ZNF33A: variants seen among roughly 807,000 people sequenced by gnomAD.
ZNF33A encodes the protein zinc finger protein 33A, also known as brain my041 protein.
In ZNF33A, 9 loss-of-function variants were observed where a neutral mutation model predicts 15.9. The ratio of observed to expected loss-of-function variants is 0.57; its 90% confidence interval spans 0.34 to 0.99. The LOEUF (loss-of-function observed/expected upper bound fraction) is 0.99. ZNF33A is among the 50% of genes least tolerant of loss of function. The pLI, the probability that ZNF33A is intolerant of heterozygous loss-of-function variation, is 0.02. For missense variants in ZNF33A, 843 were observed against 941.6 expected, an observed-to-expected ratio of 0.90 and a Z score of 1.37; for synonymous variants, 294 against 324.2, an observed-to-expected ratio of 0.91 and a Z score of 1.00.
chr10:38,028,394 C>T (rs1483918762), intron 4 of ZNF33A, among the ~76,000 whole-genome samples: 4 of 152,048 alleles, frequency 2.6e-5, no homozygotes, highest in Admixed American at 2.6e-4. Context: ...TGCCATACTG[C>T]ATTTTGTTTT....
At position 38,058,073 on chromosome 10, in the gene ZNF33A, A is replaced by G; in HGVS notation, c.*1513A>G. Reference sequence around the variant, plus strand: ...CAGTCTAGTGATCCTAGATTACACAAGTAATCTAAGCTTCCACTTTAGGAA... The same window carrying G: ...CAGTCTAGTGATCCTAGATTACACAGGTAATCTAAGCTTCCACTTTAGGAA... On this transcript the variant is annotated 3_prime_UTR_variant, in exon 5 of 5. Coordinates refer to ENST00000432900, the MANE Select transcript of ZNF33A (RefSeq NM_006954.2). 1 of 974,400 alleles carries G rather than the reference A, an allele frequency of 1.0e-6. No homozygotes were observed. The highest frequency in any genetic ancestry group is 1.8e-5 in the African/African-American group (1 of 57,138). 60.4% of individuals were successfully genotyped at this position (974,400 alleles called of 1,614,324 possible). A position where few individuals can be genotyped will look rare whatever the true frequency, so the allele number is the denominator to read the frequency against.
At chr10:38,021,961 G>C (rs961824286) in intron 4 of ZNF33A, among the ~76,000 whole-genome samples, 5 of 152,234 alleles carry the variant, frequency 3.3e-5, no homozygotes, top group Admixed American at 2.0e-4. Context: ...AGACCATACC[G>C]TATCAATATA....
At chr10:38,026,838 T>C (rs1389810542) in intron 4 of ZNF33A, among the ~76,000 whole-genome samples, 10 of 152,238 alleles carry the variant, frequency 6.6e-5, no homozygotes, top group African/African-American at 2.4e-4. Flanking sequence ...ACTGTCGCCA[T>C]TAAGCGGTAA....
intron 4 of ZNF33A, among the ~76,000 whole-genome samples, chr10:38,023,294 C>T (rs1220147985): frequency 2.6e-5 from 4 of 152,194 alleles, no homozygotes; most frequent in Non-Finnish European, 5.9e-5. Context: ...ATGCCAAAAT[C>T]ATACAGACAG....
intron 4 of ZNF33A, among the ~76,000 whole-genome samples, chr10:38,040,767 A>C (rs184116271): frequency 1.6e-3 from 240 of 152,268 alleles, no homozygotes; most frequent in Non-Finnish European, 2.2e-3. Flanking sequence ...TGGATTTTCA[A>C]ATCATTCCCT....
At chr10:38,020,593 A>G (rs900741914) in intron 4 of ZNF33A, among the ~76,000 whole-genome samples, 3 of 152,174 alleles carry the variant, frequency 2.0e-5, no homozygotes, top group African/African-American at 7.2e-5. Flanking sequence ...AGCTTTCACA[A>G]ATAAGTGAGA....
At chr10:38,027,136 A>G (rs1334312447) in intron 4 of ZNF33A, among the ~76,000 whole-genome samples, 1 of 151,946 alleles carries the variant, frequency 6.6e-6, no homozygotes, top group Non-Finnish European at 1.5e-5. Context: ...TAAGTTGTGA[A>G]ATTGGAGATT....
intron 4 of ZNF33A, among the ~76,000 whole-genome samples, chr10:38,019,190 G>A (rs1296874428): frequency 6.7e-6 from 1 of 149,632 alleles, no homozygotes; most frequent in Non-Finnish European, 1.5e-5. Flanking sequence ...CTGTGTCCAT[G>A]TGTTCTCATT....
At chr10:38,043,486 T>G (rs1462298430) in intron 4 of ZNF33A, among the ~76,000 whole-genome samples, 1 of 145,070 alleles carries the variant, frequency 6.9e-6, no homozygotes, top group Non-Finnish European at 1.5e-5. Context: ...ACCCTAAAAC[T>G]TAAAGTATAA....
intron 4 of ZNF33A, among the ~76,000 whole-genome samples, chr10:38,018,176 T>C (rs2064556440): frequency 6.6e-6 from 1 of 152,268 alleles, no homozygotes; most frequent in Admixed American, 6.5e-5. Flanking sequence ...ATATTAAATG[T>C]TCTGTGGTTT....
downstream of ZNF33A, among the ~76,000 whole-genome samples, chr10:38,066,128 G>T (rs116850550): frequency 9.0e-3 from 1,377 of 152,186 alleles, 9 homozygotes; most frequent in Middle Eastern, 0.02. Context: ...CAGGATTATA[G>T]CATTTGATAT....
At chr10:38,017,084 A>G (rs1365978991) in intron 3 of ZNF33A, 69 bp downstream of exon 3, 1 of 1,552,686 alleles carries the variant, frequency 6.4e-7, no homozygotes, top group Non-Finnish European at 8.7e-7. Context: ...GCGTATGGGC[A>G]GTCTGTATAG....
intron 4 of ZNF33A, among the ~76,000 whole-genome samples, chr10:38,047,349 G>A (rs551417658): frequency 6.6e-6 from 1 of 151,962 alleles, no homozygotes; most frequent in East Asian, 1.9e-4. Context: ...AAGCCCTTGG[G>A]CTGGGTGTGG....
At chr10:38,013,426 TTTA>T (rs1017613542) in intron 2 of ZNF33A, among the ~76,000 whole-genome samples, 8 of 151,678 alleles carry the variant, frequency 5.3e-5, no homozygotes, top group East Asian at 3.9e-4. Context: ...TAAAATGTAT[TTTA>T]TTATTATTAT....
At chr10:38,032,721 G>A (rs2135639487) in intron 4 of ZNF33A, among the ~76,000 whole-genome samples, 1 of 151,750 alleles carries the variant, frequency 6.6e-6, no homozygotes, top group South Asian at 2.1e-4. Flanking sequence ...AAAGTGCTGA[G>A]ATTACAGGTG....
chr10:38,057,637 TA>T lies in ZNF33A; in HGVS notation c.*1085del, dbSNP rs888734214. On this transcript the variant is annotated 3_prime_UTR_variant, in exon 5 of 5. Coordinates refer to ENST00000432900, the MANE Select transcript of ZNF33A (RefSeq NM_006954.2). ...GTATAAATCAAAATAACAAATTATC[TA>T]AAAAAAATCTATCCTGTACATGTGA... The T allele has an allele frequency of 5.1e-6, 5 of 985,058 alleles. No homozygotes were observed. The highest frequency in any genetic ancestry group is 1.7e-5 in the African/African-American group (1 of 57,302). 61.0% of individuals were successfully genotyped at this position (985,058 alleles called of 1,614,324 possible). A position where few individuals can be genotyped will look rare whatever the true frequency, so the allele number is the denominator to read the frequency against.
In ZNF33A at chr10:38,057,660, G is replaced by C; in HGVS notation, c.*1100G>C. On this transcript the variant is annotated 3_prime_UTR_variant, in exon 5 of 5. Transcript: ENST00000432900. ...TCTAAAAAAAATCTATCCTGTACATGTGAAGATCTAGGCTCGCCTCCATGT... is the reference window on the plus strand; with the variant it reads ...TCTAAAAAAAATCTATCCTGTACATCTGAAGATCTAGGCTCGCCTCCATGT... 1 of 985,442 alleles carries C rather than the reference G, an allele frequency of 1.0e-6. No homozygotes were observed. Among genetic ancestry groups the C allele is most frequent in the South Asian group, 4.7e-5 (1 of 21,292 alleles). 61.0% of individuals were successfully genotyped at this position (985,442 alleles called of 1,614,324 possible).
At chr10:38,012,919 G>A (rs1219745383) in intron 2 of ZNF33A, among the ~76,000 whole-genome samples, 2 of 152,100 alleles carry the variant, frequency 1.3e-5, no homozygotes, top group Non-Finnish European at 2.9e-5. Flanking sequence ...CTCCTCTGAA[G>A]GCACAAAGAC....
At chr10:38,052,937 G>A (rs1358868624) in intron 4 of ZNF33A, among the ~76,000 whole-genome samples, 2 of 151,388 alleles carry the variant, frequency 1.3e-5, no homozygotes, top group Non-Finnish European at 2.9e-5. Context: ...GATTTATTCT[G>A]TTGTTTTTTC....
Sources: allele counts gnomAD v4.1 joint callset (sites outside exome capture counted in the v4.1 genomes callset), GRCh38; gene constraint gnomAD v4.1.1; transcripts MANE v1.5; gene names NCBI Gene and HGNC (gene_info 2026-07-23, HGNC 2026-07-21).